KCNQ5: variants seen among roughly 807,000 people sequenced by gnomAD.
KCNQ5 encodes the protein potassium voltage-gated channel subfamily Q member 5.
A neutral mutation model predicts 98.2 loss-of-function variants in KCNQ5; 30 were observed. The observed-to-expected ratio is 0.31, with a 90% confidence interval of 0.23 to 0.41. The LOEUF (loss-of-function observed/expected upper bound fraction) is 0.41, where lower values mean the gene tolerates loss of function less well. KCNQ5 is among the 10% of genes least tolerant of loss of function. The pLI is 1.00. For synonymous variants in KCNQ5, 458 were observed against 449.4 expected (o/e 1.02, Z -0.24); for missense variants, 835 against 1,182.5 (o/e 0.71, Z 4.31).
chr6:73,174,566 A>G (rs1458702553), intron 11 of KCNQ5, among the ~76,000 whole-genome samples: 1 of 152,162 alleles, frequency 6.6e-6, no homozygotes, highest in Admixed American at 6.5e-5. Context: ...CCAGGGTGAA[A>G]ACTCAAAGAA....
At chr6:73,002,050 G>C (rs1470926833) in intron 1 of KCNQ5, among the ~76,000 whole-genome samples, 3 of 152,184 alleles carry the variant, frequency 2.0e-5, no homozygotes, top group East Asian at 3.9e-4. Context: ...TTGAACCCTA[G>C]GAGTTCAAGG....
At chr6:72,893,712 C>G (rs1248370578) in intron 1 of KCNQ5, among the ~76,000 whole-genome samples, 1 of 152,196 alleles carries the variant, frequency 6.6e-6, no homozygotes, top group Non-Finnish European at 1.5e-5. Flanking sequence ...TATTATCAAG[C>G]CAGCTCACTA....
chr6:72,962,821 T>A (rs1473006980), intron 1 of KCNQ5, among the ~76,000 whole-genome samples: 2 of 152,184 alleles, frequency 1.3e-5, no homozygotes, highest in African/African-American at 4.8e-5. Flanking sequence ...ACACTGTCCC[T>A]CTGCAAAGGA....
chr6:73,090,497 T>C (rs1347391392), intron 5 of KCNQ5, among the ~76,000 whole-genome samples: 1 of 152,184 alleles, frequency 6.6e-6, no homozygotes, highest in Non-Finnish European at 1.5e-5. Context: ...ACTCAATGTA[T>C]AGAAGGGTTT....
intron 1 of KCNQ5, among the ~76,000 whole-genome samples, chr6:72,632,138 CTTT>C (rs71540354): frequency 1.6e-5 from 2 of 127,670 alleles, no homozygotes; most frequent in Non-Finnish European, 3.2e-5. Context: ...TTCTTTCTTT[CTTT>C]TTTTTTTTTT....
At chr6:73,054,889 G>C in intron 3 of KCNQ5, among the ~76,000 whole-genome samples, 1 of 152,164 alleles carries the variant, frequency 6.6e-6, no homozygotes, top group East Asian at 1.9e-4. Flanking sequence ...GAATAGAGGG[G>C]AAGTCAAACT....
chr6:72,813,748 A>G (rs1775362305), intron 1 of KCNQ5, among the ~76,000 whole-genome samples: 1 of 152,182 alleles, frequency 6.6e-6, no homozygotes, highest in Non-Finnish European at 1.5e-5. Flanking sequence ...ACTTTAAATC[A>G]TCTGTAGATT....
intron 1 of KCNQ5, among the ~76,000 whole-genome samples, chr6:72,778,711 T>A (rs1414201243): frequency 6.6e-6 from 1 of 152,114 alleles, no homozygotes; most frequent in Non-Finnish European, 1.5e-5. Context: ...TGTTGTGCAG[T>A]GTAAATAAAT....
intron 10 of KCNQ5, among the ~76,000 whole-genome samples, chr6:73,151,473 C>T (rs1777144267): frequency 6.6e-6 from 1 of 152,182 alleles, no homozygotes; most frequent in African/African-American, 2.4e-5. Context: ...TTTGAGAAGT[C>T]AAAATTCAGC....
intron 6 of KCNQ5, 77 bp downstream of exon 6, chr6:73,105,444 A>G: frequency 1.2e-6 from 1 of 800,948 alleles, no homozygotes; most frequent in Non-Finnish European, 2.0e-6. Context: ...ACAAATTCGT[A>G]TGCTTGGGAA....
At chr6:72,628,849 G>A (rs1236359604) in intron 1 of KCNQ5, among the ~76,000 whole-genome samples, 1 of 152,114 alleles carries the variant, frequency 6.6e-6, no homozygotes, top group Non-Finnish European at 1.5e-5. Context: ...CTGACCTCAA[G>A]TGGTCTGCCC....
chr6:72,716,575 G>C (rs779377694), intron 1 of KCNQ5, among the ~76,000 whole-genome samples: 6 of 152,140 alleles, frequency 3.9e-5, no homozygotes, highest in African/African-American at 9.7e-5. Context: ...TTAATCCTGG[G>C]TACCATATTT....
At chr6:72,987,864 A>G (rs926974072) in intron 1 of KCNQ5, 1 of 340,400 alleles carries the variant, frequency 2.9e-6, no homozygotes, top group Admixed American at 3.5e-5. Context: ...GACCTTGAGC[A>G]GTAGGATATA....
chr6:72,964,509 T>C (rs986140170), intron 1 of KCNQ5, among the ~76,000 whole-genome samples: 1 of 152,236 alleles, frequency 6.6e-6, no homozygotes, highest in East Asian at 1.9e-4. Flanking sequence ...GTATATGAAC[T>C]ATAAATACCT....
At chr6:72,716,134 A>T (rs949038798) in intron 1 of KCNQ5, among the ~76,000 whole-genome samples, 2 of 152,200 alleles carry the variant, frequency 1.3e-5, no homozygotes, top group African/African-American at 4.8e-5. Flanking sequence ...GTTGTTTATC[A>T]TAAGGAATTC....
At chr6:72,707,375 G>A (rs1769143895) in intron 1 of KCNQ5, among the ~76,000 whole-genome samples, 1 of 152,074 alleles carries the variant, frequency 6.6e-6, no homozygotes, top group Admixed American at 6.6e-5. Flanking sequence ...ATTGTGTCCT[G>A]TGTCCTCACC....
At chr6:72,875,134 G>A (rs914949333) in intron 1 of KCNQ5, among the ~76,000 whole-genome samples, 2 of 152,176 alleles carry the variant, frequency 1.3e-5, no homozygotes, top group Non-Finnish European at 1.5e-5. Context: ...GATGATTAAA[G>A]TAGTTAATAC....
rs375865882 is a variant in KCNQ5, at chr6:72,785,158, GA to G, written c.398+162579del. On this transcript the variant is annotated intron_variant, in intron 1 of 13. Coordinates refer to ENST00000370398, the MANE Select transcript of KCNQ5 (RefSeq NM_019842.4). ...TCTCTTATATCGTTGAAGACAAACA[GA>G]AAAAAAATATTTTAGAATTAACACA... Among the ~76,000 whole-genome samples the G allele has an allele frequency of 6.1e-4, 92 of 151,976 alleles. 3 individuals are homozygous for G. The highest frequency in any genetic ancestry group is 2.1e-3 in the African/African-American group (86 of 41,478).
At chr6:72,990,543 T>C (rs1440093306) in intron 1 of KCNQ5, among the ~76,000 whole-genome samples, 1 of 75,012 alleles carries the variant, frequency 1.3e-5, no homozygotes, top group East Asian at 4.2e-4. Context: ...CTTATCAGCT[T>C]AAGGAGATTT....
Sources: gnomAD v4.1 joint callset for allele counts (sites outside exome capture counted in the v4.1 genomes callset) on GRCh38, gnomAD v4.1.1 for gene constraint, MANE v1.5 for transcripts, NCBI Gene and HGNC (gene_info 2026-07-23, HGNC 2026-07-21) for gene names.